Variants in TMEM52B observed in about 807,000 individuals in gnomAD.
TMEM52B encodes transmembrane protein 52B.
TMEM52B carries 11 observed loss-of-function variants against 16.1 expected under a neutral mutation model. That is an observed-to-expected ratio of 0.68 (90% CI 0.43 to 1.13). The LOEUF is 1.13. Among genes scored for constraint, TMEM52B ranks in the 50% most tolerant of loss-of-function variants. The pLI, the probability that TMEM52B is intolerant of heterozygous loss-of-function variation, is 0.00. For synonymous variants in TMEM52B, 101 were observed against 93.8 expected, an observed-to-expected ratio of 1.08 and a Z score of -0.45; for missense variants, 243 against 230.4, an observed-to-expected ratio of 1.05 and a Z score of -0.35.
Position 10,179,615 on chromosome 12 carries a change from T to A in TMEM52B, c.41T>A (p.Leu14Gln), listed in dbSNP as rs764641789. The change falls in exon 1 of 5, where the codon CTG (leucine) becomes CAG (glutamine). Residue 14 changes from leucine to glutamine, a missense_variant. Physicochemically the swap from Leu to Gln is moderately radical, Grantham distance 113. Transcript: ENST00000543484. The stretch of plus-strand genomic sequence containing the variant: ...CATGTCGTGGCGGCCTCAGCCCTGC[T>A]GTATTTCATCCTGGTGAGTTCAGTG... ...RVHVVAASALLYFILLSGTRC... is the reference protein window; with the variant it reads ...RVHVVAASALQYFILLSGTRC... 1.2e-6 allele frequency: 2 copies of A among 1,614,096 alleles called. No homozygotes were observed. Among genetic ancestry groups the A allele is most frequent in the Admixed American group, 1.7e-5 (1 of 60,008 alleles).
At position 10,190,117 on chromosome 12, in the gene TMEM52B, C is replaced by A. The variant is rs200427740; in HGVS notation, c.529C>A (p.Arg177=). ...QLPPTEKEST[R]IVDSWN is the part of the protein sequence containing the mutation. ...GCCTCCAACAGAGAAGGAGTCGACT[C>A]GAATAGTTGACTCTTGGAACTGATG... The change falls in exon 5 of 5, where the codon CGA becomes AGA. Residue 177 remains arginine (R), a synonymous_variant. Transcript: ENST00000543484. 26 of 1,613,908 alleles carry A rather than the reference C, an allele frequency of 1.6e-5. No individual in the cohort carries two copies. The African/African-American group carries it at 2.8e-4, about 17-fold the overall frequency.
At chr12:10,178,616 T>C (rs994484508), upstream of TMEM52B, among the ~76,000 whole-genome samples, 1 of 150,754 alleles carries the variant, frequency 6.6e-6, no homozygotes, top group Admixed American at 6.7e-5. Context: ...ACAAGACTTA[T>C]TTCTCAATCA....
chr12:10,187,311 A>C (rs1372806962), intron 4 of TMEM52B, among the ~76,000 whole-genome samples: 1 of 152,096 alleles, frequency 6.6e-6, no homozygotes, highest in East Asian at 1.9e-4. Context: ...CATCTTGGCC[A>C]GGCTGGTCTC....
rs776651142 is a variant in TMEM52B at position 10,190,121 on chromosome 12, T to C, written c.533T>C (p.Ile178Thr). ...LPPTEKESTR[I>T]VDSWN The stretch of plus-strand genomic sequence containing the variant: ...CCAACAGAGAAGGAGTCGACTCGAA[T>C]AGTTGACTCTTGGAACTGATGAGAG... Residue 178 changes from isoleucine to threonine, a missense_variant, in exon 5 of 5, where the codon ATA (isoleucine) becomes ACA (threonine). Ile to Thr is a moderately conservative substitution (Grantham distance 89, BLOSUM62 -1). Transcript: ENST00000543484. The C allele has an allele frequency of 6.2e-7, 1 of 1,614,180 alleles. No individual in the cohort carries two copies. The highest frequency in any genetic ancestry group is 1.1e-5 in the South Asian group (1 of 91,086).
chr12:10,185,452 T>A (rs1948868946), intron 3 of TMEM52B, 84 bp downstream of exon 3: 1 of 1,013,680 alleles, frequency 9.9e-7, no homozygotes, highest in African/African-American at 1.6e-5. Flanking sequence ...ACTTAGCATC[T>A]CATGGAGTAA....
chr12:10,183,434 G>A (rs1948845327), intron 2 of TMEM52B, among the ~76,000 whole-genome samples: 1 of 150,718 alleles, frequency 6.6e-6, no homozygotes, highest in Non-Finnish European at 1.5e-5. Context: ...AGAAATGTGG[G>A]AAAACCAAGA....
chr12:10,184,945 C>G (rs908172031), intron 2 of TMEM52B, among the ~76,000 whole-genome samples: 3 of 152,110 alleles, frequency 2.0e-5, no homozygotes, highest in Non-Finnish European at 2.9e-5. Flanking sequence ...AACTCCTGAC[C>G]TCGTGATCTG....
chr12:10,172,110 G>C (rs528823540), intron 1 of TMEM52B: 15 of 1,536,756 alleles, frequency 9.8e-6, no homozygotes, highest in Non-Finnish European at 1.4e-5. Context: ...AGAGAGTGAA[G>C]CAGTCACGAA....
At chr12:10,181,607 C>T (rs562844435) in intron 1 of TMEM52B, among the ~76,000 whole-genome samples, 4 of 151,802 alleles carry the variant, frequency 2.6e-5, no homozygotes, top group East Asian at 2.0e-4. Context: ...GGATTACAGG[C>T]GTGAGCCACC....
chr12:10,172,092 T>C, intron 1 of TMEM52B: 1 of 1,605,458 alleles, frequency 6.2e-7, no homozygotes, highest in Non-Finnish European at 8.5e-7. Flanking sequence ...AAATTCAAGC[T>C]AAGAATGAGA....
At chr12:10,173,746 C>G (rs1465746933) in intron 1 of TMEM52B, among the ~76,000 whole-genome samples, 2 of 130,924 alleles carry the variant, frequency 1.5e-5, no homozygotes, top group African/African-American at 5.9e-5. Flanking sequence ...GCCTGGGCAA[C>G]AGAGCGAGAC....
At chr12:10,187,771 A>G (rs905057232) in intron 4 of TMEM52B, among the ~76,000 whole-genome samples, 2 of 152,074 alleles carry the variant, frequency 1.3e-5, no homozygotes, top group Admixed American at 1.3e-4. Context: ...ACCAGTCAGA[A>G]CACCAGCTGG....
chr12:10,183,995 G>C (rs541325534), intron 2 of TMEM52B, among the ~76,000 whole-genome samples: 2 of 152,238 alleles, frequency 1.3e-5, no homozygotes, highest in South Asian at 2.1e-4. Flanking sequence ...GTCATTGGAA[G>C]GACCAATGCA....
intron 3 of TMEM52B, among the ~76,000 whole-genome samples, chr12:10,185,912 A>G (rs895080653): frequency 6.6e-6 from 1 of 152,166 alleles, no homozygotes; most frequent in African/African-American, 2.4e-5. Flanking sequence ...GTGGTGGCAC[A>G]TGCCTGTAAT....
chr12:10,189,642 AGAG>A lies in TMEM52B; in HGVS notation c.308-253_308-251del, dbSNP rs138694820. 3.9e-3 allele frequency among the ~76,000 whole-genome samples: 536 copies of A among 137,210 alleles called. 8 individuals carry two copies. The highest frequency in any genetic ancestry group is 0.012 in the Middle Eastern group (3 of 258). 90.0% of individuals were successfully genotyped at this position (137,210 alleles called of 152,430 possible). On this transcript the variant is annotated intron_variant, in intron 4 of 4. Coordinates refer to ENST00000543484, the MANE Select transcript of TMEM52B (RefSeq NM_001384896.1). Reference sequence around the variant, plus strand: ...CCGTCTCAAAAAAAAAAAAAAAAAAAGAGAGAGAGAGAGATACAGAAACATTCT... The same window carrying A: ...CCGTCTCAAAAAAAAAAAAAAAAAAAAGAGAGAGAGATACAGAAACATTCT...
In TMEM52B at chr12:10,179,423, A is replaced by G. The variant is rs1033976451; in HGVS notation, c.-152A>G. 19 of 770,592 alleles carry G rather than the reference A, an allele frequency of 2.5e-5. No homozygotes were observed. The highest frequency in any genetic ancestry group is 1.5e-4 in the East Asian group (6 of 40,324). The allele number at this position is 770,592 out of a possible 1,614,324, so 47.7% of individuals were successfully genotyped here. The stretch of plus-strand genomic sequence containing the variant: ...ACAGCCAGAGCGAGTAGGAGGAGAC[A>G]GAGAGAACGAGAGAGAGAAAAGCTG... On this transcript the variant is annotated 5_prime_UTR_variant, in exon 1 of 5. Transcript: ENST00000543484.
intron 1 of TMEM52B, among the ~76,000 whole-genome samples, chr12:10,179,896 G>A (rs1049446430): frequency 2.6e-5 from 4 of 152,166 alleles, no homozygotes; most frequent in Non-Finnish European, 2.9e-5. Flanking sequence ...TAGAAGTGCC[G>A]CTGAAGTATT....
rs750985165 is a variant in TMEM52B, at chr12:10,179,550, T to A, written c.-25T>A. On this transcript the variant is annotated 5_prime_UTR_variant, in exon 1 of 5. Coordinates refer to ENST00000543484, the MANE Select transcript of TMEM52B (RefSeq NM_001384896.1). ...AGGCAACGGATGCCCAGTGCAAGAT[T>A]CTGAAGAAGCAGGAATTCAGCCCGA... 2 of 1,614,140 alleles carry A rather than the reference T, an allele frequency of 1.2e-6. No individual in the cohort carries two copies. The highest frequency in any genetic ancestry group is 1.7e-6 in the Non-Finnish European group (2 of 1,179,994).
upstream of TMEM52B, among the ~76,000 whole-genome samples, chr12:10,175,119 T>C (rs1948756647): frequency 6.6e-6 from 1 of 152,184 alleles, no homozygotes; most frequent in East Asian, 1.9e-4. Flanking sequence ...GTTCATGATC[T>C]TGTGTAATCC....
Sources: allele counts gnomAD v4.1 joint callset (sites outside exome capture counted in the v4.1 genomes callset), GRCh38; gene constraint gnomAD v4.1.1; transcripts MANE v1.5; gene names NCBI Gene and HGNC (gene_info 2026-07-23, HGNC 2026-07-21).